Variants in DLGAP2 observed in about 807,000 individuals in gnomAD.
DLGAP2 encodes DLG associated protein 2.
In DLGAP2, 26 loss-of-function variants were observed where a neutral mutation model predicts 100.3. The ratio of observed to expected loss-of-function variants is 0.26; its 90% confidence interval spans 0.19 to 0.36. DLGAP2 has a LOEUF of 0.36. Ranked by LOEUF, DLGAP2 falls within the 10% of genes least tolerant of loss-of-function variation. The pLI is 1.00. For synonymous variants in DLGAP2, 886 were observed against 630.1 expected, an observed-to-expected ratio of 1.41 and a Z score of -6.08; for missense variants, 1,858 against 1,453.2, an observed-to-expected ratio of 1.28 and a Z score of -4.53.
At chr8:1,032,588 C>T (rs1802006904) in intron 2 of DLGAP2, 1 of 152,166 alleles carries the variant, frequency 6.6e-6, no homozygotes, top group Non-Finnish European at 1.5e-5. Flanking sequence ...CTTTTTAGGT[C>T]TGCTGTGTGC....
chr8:1,287,163 C>CGT (rs1563061966), intron 3 of DLGAP2, among the ~76,000 whole-genome samples: 3 of 86,238 alleles, frequency 3.5e-5, no homozygotes, highest in African/African-American at 9.7e-5. Context: ...TGTGTGCGCG[C>CGT]GCGCGCGTGG....
intron 2 of DLGAP2, among the ~76,000 whole-genome samples, chr8:956,904 A>G (rs1415452990): frequency 6.6e-6 from 1 of 152,194 alleles, no homozygotes; most frequent in African/African-American, 2.4e-5. Flanking sequence ...CCATGAGAGA[A>G]TGGATGAAAT....
chr8:771,742 T>C (rs978593304), intron 1 of DLGAP2, among the ~76,000 whole-genome samples: 1 of 152,250 alleles, frequency 6.6e-6, no homozygotes, highest in African/African-American at 2.4e-5. Flanking sequence ...CTCCTTTATT[T>C]TAAAATGACT....
In DLGAP2 at chr8:970,418, A is replaced by G. The variant is rs1799983616; in HGVS notation, c.73+62452A>G. ...ACATTTTTCTCCAGAGAGGTGGCTGATCAACGTTTATCAGCCCACCAGTGC... is the reference window on the plus strand; with the variant it reads ...ACATTTTTCTCCAGAGAGGTGGCTGGTCAACGTTTATCAGCCCACCAGTGC... On this transcript the variant is annotated intron_variant, in intron 2 of 14. Coordinates refer to ENST00000637795, the MANE Select transcript of DLGAP2 (RefSeq NM_001346810.2). 1.3e-5 allele frequency among the ~76,000 whole-genome samples: 2 copies of G among 152,318 alleles called. 1 individual carries two copies. Among genetic ancestry groups the G allele is most frequent in the Middle Eastern group, 6.8e-3 (2 of 294 alleles).
rs566279835 is a variant in DLGAP2, at chr8:1,081,844, T to G, written c.73+173878T>G. Among the ~76,000 whole-genome samples, 4 of 152,218 alleles carry G rather than the reference T, an allele frequency of 2.6e-5. No individual in the cohort carries two copies. In the South Asian group the frequency reaches 8.3e-4, roughly 32 times the overall value. On this transcript the variant is annotated intron_variant, in intron 2 of 14. Transcript: ENST00000637795. ...CACAGCGACAAAGAAGAAAAGAATG[T>G]CAAGCAGGCATATTCCATCTCCAGC...
intron 4 of DLGAP2, among the ~76,000 whole-genome samples, chr8:1,519,321 A>T (rs1250417530): frequency 1.3e-5 from 2 of 152,210 alleles, no homozygotes; most frequent in Admixed American, 6.5e-5. Context: ...CTTAAAAAAA[A>T]AATCTAAACA....
chr8:1,355,232 C>T (rs1801821373), intron 3 of DLGAP2, among the ~76,000 whole-genome samples: 1 of 152,254 alleles, frequency 6.6e-6, no homozygotes, highest in South Asian at 2.1e-4. Flanking sequence ...AGCGGTGACA[C>T]CTGCGTGCCA....
chr8:1,324,790 G>T (rs573522435), intron 3 of DLGAP2, among the ~76,000 whole-genome samples: 6 of 152,266 alleles, frequency 3.9e-5, no homozygotes, highest in Admixed American at 3.3e-4. Context: ...AATATCAGAG[G>T]AGCGGGAGTC....
intron 1 of DLGAP2, among the ~76,000 whole-genome samples, chr8:744,488 G>A (rs918852840): frequency 2.6e-5 from 4 of 152,070 alleles, no homozygotes; most frequent in Non-Finnish European, 5.9e-5. Flanking sequence ...CCTCTTCTCC[G>A]GCCACGTCGC....
At chr8:1,001,673 T>C (rs1303374116) in intron 2 of DLGAP2, among the ~76,000 whole-genome samples, 1 of 152,000 alleles carries the variant, frequency 6.6e-6, no homozygotes, top group African/African-American at 2.4e-5. Context: ...ATTGATGTTA[T>C]AGAAGTTGCC....
intron 1 of DLGAP2, among the ~76,000 whole-genome samples, chr8:872,164 T>A (rs2128991773): frequency 6.6e-6 from 1 of 152,246 alleles, no homozygotes; most frequent in Admixed American, 6.5e-5. Flanking sequence ...TCCAGAAATT[T>A]AGAAGGAATT....
At chr8:751,029 CCT>C (rs1332121754) in intron 1 of DLGAP2, among the ~76,000 whole-genome samples, 1 of 152,114 alleles carries the variant, frequency 6.6e-6, no homozygotes, top group African/African-American at 2.4e-5. Context: ...CTCCGGCCAC[CCT>C]CTCACGGAAA....
chr8:1,182,965 G>C (rs1797423039), intron 2 of DLGAP2, among the ~76,000 whole-genome samples: 1 of 152,214 alleles, frequency 6.6e-6, no homozygotes. Context: ...GGAGCCGGTG[G>C]AAGGTAGACA....
At chr8:910,576 T>C (rs1000003675) in intron 2 of DLGAP2, 2 of 152,180 alleles carry the variant, frequency 1.3e-5, no homozygotes, top group African/African-American at 4.8e-5. Context: ...CCAAAGCACA[T>C]TTATGCCTGT....
chr8:874,108 G>T (rs551435882), intron 1 of DLGAP2, among the ~76,000 whole-genome samples: 2 of 151,380 alleles, frequency 1.3e-5, no homozygotes, highest in Admixed American at 1.3e-4. Context: ...TTTTTTCTTT[G>T]TCAATCTAGC....
chr8:894,686 G>A (rs1456504704), intron 1 of DLGAP2, among the ~76,000 whole-genome samples: 25 of 147,310 alleles, frequency 1.7e-4, no homozygotes, highest in South Asian at 6.5e-4. Flanking sequence ...AAAGTGGAGC[G>A]GTGGATGGCA....
At chr8:1,267,592 ATAAGATAAGATAAGATAAGATAAG>A (rs1799486560) in intron 3 of DLGAP2, among the ~76,000 whole-genome samples, 5 of 40,382 alleles carry the variant, frequency 1.2e-4, no homozygotes, top group African/African-American at 2.0e-4. Context: ...ATAAAATAAG[ATAAGATAAGATAAGATAAGATAAG>A]ATAAGATAAA....
intron 3 of DLGAP2, among the ~76,000 whole-genome samples, chr8:1,491,066 A>AAAG (rs1459152387): frequency 1.1e-5 from 1 of 87,566 alleles, no homozygotes; most frequent in African/African-American, 4.1e-5. Context: ...AAATAAAAAT[A>AAAG]AACTGGAAAC....
chr8:1,213,001 G>T (rs1209316109), intron 2 of DLGAP2, among the ~76,000 whole-genome samples: 1 of 152,022 alleles, frequency 6.6e-6, no homozygotes, highest in Non-Finnish European at 1.5e-5. Flanking sequence ...TTACGGCAGA[G>T]ATTTTCTTGT....
Sources: gnomAD v4.1 joint callset for allele counts (sites outside exome capture counted in the v4.1 genomes callset) on GRCh38, gnomAD v4.1.1 for gene constraint, MANE v1.5 for transcripts, NCBI Gene and HGNC (gene_info 2026-07-23, HGNC 2026-07-21) for gene names.